Variants in PTGFRN observed in about 807,000 individuals in gnomAD.
PTGFRN encodes prostaglandin F2 receptor negative regulator.
Under a neutral mutation model 83.2 loss-of-function variants are expected in PTGFRN, and 35 were observed. The ratio of observed to expected loss-of-function variants is 0.42; its 90% confidence interval spans 0.32 to 0.56. The LOEUF is 0.56. Among genes scored for constraint, PTGFRN ranks in the 20% least tolerant of loss-of-function variants. PTGFRN has a pLI of 0.11. For synonymous variants in PTGFRN, 519 were observed against 498.6 expected (o/e 1.04, Z -0.55); for missense variants, 1,051 against 1,179.5 (o/e 0.89, Z 1.60).
At chr1:116,926,644 CAT>C (rs1649667572) in intron 1 of PTGFRN, among the ~76,000 whole-genome samples, 1 of 152,106 alleles carries the variant, frequency 6.6e-6, no homozygotes, top group South Asian at 2.1e-4. Context: ...AATATTAAAT[CAT>C]ATGAACAGGA....
rs559057896 is a variant in PTGFRN at position 116,922,677 on chromosome 1, A to C, written c.49+12425A>C. 5.3e-5 allele frequency among the ~76,000 whole-genome samples: 8 copies of C among 152,300 alleles called. No homozygotes were observed. In the East Asian group the frequency reaches 1.5e-3, roughly 29 times the overall value. On this transcript the variant is annotated intron_variant, in intron 1 of 8. Transcript: ENST00000393203. ...GGTAGTTATCATGCAGCAGGATGTG[A>C]CTTTGGGTCATTAGAAAACAGCAGT...
chr1:116,910,843 C>G (rs1270814468), intron 1 of PTGFRN, among the ~76,000 whole-genome samples: 1 of 152,214 alleles, frequency 6.6e-6, no homozygotes, highest in Non-Finnish European at 1.5e-5. Flanking sequence ...GCTAGATCTT[C>G]TGCCTCAGTC....
chr1:116,973,744 C>T (rs1483602888), intron 6 of PTGFRN, among the ~76,000 whole-genome samples: 1 of 152,128 alleles, frequency 6.6e-6, no homozygotes, highest in Non-Finnish European at 1.5e-5. Flanking sequence ...TACCAGATTT[C>T]AGCCTCTTGG....
Position 116,944,700 on chromosome 1 carries a change from TG to T in PTGFRN, c.443del (p.Gly148AlafsTer10). 1 of 1,425,826 alleles carries T rather than the reference TG, an allele frequency of 7.0e-7. No homozygotes were observed. The highest frequency in any genetic ancestry group is 9.1e-7 in the Non-Finnish European group (1 of 1,094,196). 88.3% of individuals were successfully genotyped at this position (1,425,826 alleles called of 1,614,324 possible). Reference protein sequence around the residue: ...QVKVLADSLHVGPSARPPPSL... With the variant: ...QVKVLADSLHXGPSARPPPSL... ...GCAGTGCTGGCCGACTCCCTGCACG[TG>T]GGCCCCAGCGCGCGGCCCCCGCCGA... On this transcript the variant is annotated frameshift_variant, in exon 3 of 9. Coordinates refer to ENST00000393203, the MANE Select transcript of PTGFRN (RefSeq NM_020440.4). LOFTEE classifies it high-confidence loss of function.
rs148541748 is a variant in PTGFRN, at chr1:116,967,637, A to G, written c.2059+307A>G. On this transcript the variant is annotated intron_variant, in intron 6 of 8. Transcript: ENST00000393203. The stretch of plus-strand genomic sequence containing the variant: ...CAACCATGATCTACTTTCTGTCTCT[A>G]TACATTTTGCCTATTATGGACATTT... Among the ~76,000 whole-genome samples the G allele has an allele frequency of 7.3e-3, 1,105 of 152,276 alleles. 9 individuals are homozygous for G. The highest frequency in any genetic ancestry group is 0.013 in the Non-Finnish European group (892 of 68,010).
chr1:116,981,765 A>G (rs1184686489), intron 7 of PTGFRN, among the ~76,000 whole-genome samples: 1 of 152,252 alleles, frequency 6.6e-6, no homozygotes, highest in African/African-American at 2.4e-5. Context: ...ATGTAAGCAA[A>G]TGGGCATAGC....
chr1:116,919,347 T>G (rs550297997), intron 1 of PTGFRN, among the ~76,000 whole-genome samples: 1 of 152,290 alleles, frequency 6.6e-6, no homozygotes, highest in South Asian at 2.1e-4. Flanking sequence ...CCCAATAAAT[T>G]CCTGTCTACC....
intron 6 of PTGFRN, among the ~76,000 whole-genome samples, chr1:116,969,762 T>A (rs905429202): frequency 6.6e-6 from 1 of 152,202 alleles, no homozygotes; most frequent in Non-Finnish European, 1.5e-5. Flanking sequence ...GTATTTAAAT[T>A]TTTTCCATGG....
intron 7 of PTGFRN, among the ~76,000 whole-genome samples, chr1:116,982,664 G>A (rs1287466720): frequency 1.3e-5 from 2 of 152,202 alleles, no homozygotes; most frequent in African/African-American, 2.4e-5. Context: ...GCAAGTCGAG[G>A]TGTGAATTCA....
chr1:116,928,532 C>T (rs898823443), intron 1 of PTGFRN, among the ~76,000 whole-genome samples: 6 of 152,204 alleles, frequency 3.9e-5, no homozygotes, highest in African/African-American at 7.2e-5. Flanking sequence ...CAGTAATTCA[C>T]ACCAATCGTA....
intron 1 of PTGFRN, among the ~76,000 whole-genome samples, chr1:116,938,341 A>G (rs938974797): frequency 1.3e-5 from 2 of 152,200 alleles, no homozygotes; most frequent in African/African-American, 2.4e-5. Context: ...TTTACAAAAG[A>G]AAGAGGTTTA....
chr1:116,919,609 C>A (rs981832990), intron 1 of PTGFRN, among the ~76,000 whole-genome samples: 5 of 152,134 alleles, frequency 3.3e-5, no homozygotes, highest in Admixed American at 2.0e-4. Flanking sequence ...ACTGTTGTTA[C>A]CCCTGTTTAA....
At chr1:116,966,466 CT>C (rs1288514818) in intron 5 of PTGFRN, among the ~76,000 whole-genome samples, 2 of 152,216 alleles carry the variant, frequency 1.3e-5, no homozygotes, top group Non-Finnish European at 2.9e-5. Flanking sequence ...GGCACTTCCC[CT>C]GCACTTAGCA....
chr1:116,976,066 C>T (rs996826186), intron 7 of PTGFRN, among the ~76,000 whole-genome samples: 10 of 152,144 alleles, frequency 6.6e-5, no homozygotes, highest in East Asian at 1.9e-4. Context: ...ATGAGAACTA[C>T]GTGACAAATG....
At chr1:116,944,129 T>A (rs1650123135) in intron 2 of PTGFRN, among the ~76,000 whole-genome samples, 1 of 152,224 alleles carries the variant, frequency 6.6e-6, no homozygotes, top group Admixed American at 6.5e-5. Flanking sequence ...AGGCAGCTCA[T>A]GCCATCCTTT....
chr1:116,920,909 C>T (rs1570644614), intron 1 of PTGFRN, among the ~76,000 whole-genome samples: 1 of 152,232 alleles, frequency 6.6e-6, no homozygotes, highest in Non-Finnish European at 1.5e-5. Context: ...CAGGTGTGAG[C>T]TACCATGTCT....
intron 8 of PTGFRN, 72 bp downstream of exon 8, chr1:116,985,057 C>T (rs1651425654): frequency 6.7e-7 from 1 of 1,488,722 alleles, no homozygotes; most frequent in Non-Finnish European, 9.2e-7. Context: ...GCTGACAGAA[C>T]CCAGGTGGCC....
intron 1 of PTGFRN, among the ~76,000 whole-genome samples, chr1:116,921,271 G>A (rs1649529603): frequency 6.6e-6 from 1 of 152,202 alleles, no homozygotes. Flanking sequence ...GATGTACTGA[G>A]AAGCGAATAT....
chr1:116,943,799 C>A (rs1327623849), intron 2 of PTGFRN, among the ~76,000 whole-genome samples: 3 of 151,970 alleles, frequency 2.0e-5, no homozygotes, highest in African/African-American at 7.3e-5. Flanking sequence ...AGCCCCTTCT[C>A]AAGGACACTG....
Sources: allele counts gnomAD v4.1 joint callset (sites outside exome capture counted in the v4.1 genomes callset), GRCh38; gene constraint gnomAD v4.1.1; transcripts MANE v1.5; gene names NCBI Gene and HGNC (gene_info 2026-07-23, HGNC 2026-07-21).